CDC26: variants seen among roughly 807,000 people sequenced by gnomAD.
CDC26 encodes the protein anaphase-promoting complex subunit CDC26.
In CDC26, 2 loss-of-function variants were observed where a neutral mutation model predicts 8.0. The ratio of observed to expected loss-of-function variants is 0.25; its 90% CI spans 0.10 to 0.79. The LOEUF (loss-of-function observed/expected upper bound fraction) is 0.79, where lower values mean the gene tolerates loss of function less well. CDC26 is among the 30% of genes least tolerant of loss of function. The pLI, the probability that CDC26 is intolerant of heterozygous loss-of-function variation, is 0.70. For missense variants in CDC26, 68 were observed against 106.0 expected (o/e 0.64, Z 1.57); for synonymous variants, 19 against 34.9 (o/e 0.55, Z 1.60).
intron 1 of CDC26, among the ~76,000 whole-genome samples, 167 bp from the exon 2 acceptor site, chr9:113,273,605 G>C (rs1831992758): frequency 6.6e-6 from 1 of 152,052 alleles, no homozygotes; most frequent in African/African-American, 2.4e-5. Context: ...GTTGACTTCT[G>C]AAGGTCAGGC....
At chr9:113,270,584 G>T (rs1831937844) in intron 3 of CDC26, among the ~76,000 whole-genome samples, 1 of 152,206 alleles carries the variant, frequency 6.6e-6, no homozygotes, top group Admixed American at 6.5e-5. Flanking sequence ...CATGAAACTT[G>T]GATACGGTCA....
intron 3 of CDC26, 127 bp from the exon 4 acceptor site, chr9:113,267,566 A>ACAGTGAGCCGAGATTGCGCC: frequency 1.5e-5 from 19 of 1,253,658 alleles, no homozygotes; most frequent in Non-Finnish European, 1.8e-5. Context: ...CAATAAACTG[A>ACAGTGAGCCGAGATTGCGCC]AATCCTAGGT....
intron 3 of CDC26, among the ~76,000 whole-genome samples, chr9:113,269,302 G>A (rs796375856): frequency 2.6e-4 from 40 of 152,250 alleles, no homozygotes; most frequent in African/African-American, 9.4e-4. Context: ...TGCCTTTTAT[G>A]TGGCAAATGA....
intron 3 of CDC26, among the ~76,000 whole-genome samples, chr9:113,269,907 GA>G (rs1304413185): frequency 6.6e-6 from 1 of 152,188 alleles, no homozygotes; most frequent in African/African-American, 2.4e-5. Context: ...TATAGTACAA[GA>G]TACCTACTAG....
intron 3 of CDC26, among the ~76,000 whole-genome samples, chr9:113,268,029 G>A (rs1039028120): frequency 6.6e-6 from 1 of 152,030 alleles, no homozygotes; most frequent in Non-Finnish European, 1.5e-5. Context: ...GGATGTCACA[G>A]TCTAATAGGG....
Position 113,275,422 on chromosome 9 carries a change from T to C in CDC26, c.-192A>G, listed in dbSNP as rs1832050664. 1.2e-5 allele frequency: 4 copies of C among 321,816 alleles called. No individual in the cohort carries two copies. The highest frequency in any genetic ancestry group is 2.3e-5 in the Non-Finnish European group (4 of 175,036). The allele number at this position is 321,816 out of a possible 1,614,324, so 19.9% of individuals were successfully genotyped here. ...CCTAGCCCCTTCCCGGAACCTCGGC[T>C]CCCCCCCAACGAAACTACTGCTAAG... On this transcript the variant is annotated 5_prime_UTR_variant, in exon 1 of 4. Transcript: ENST00000374206.
chr9:113,273,821 CAAAAAAAAAAAA>C (rs149642304), intron 1 of CDC26, among the ~76,000 whole-genome samples: 5 of 53,268 alleles, frequency 9.4e-5, no homozygotes, highest in East Asian at 7.6e-4. Flanking sequence ...GACCCCAACT[CAAAAAAAAAAAA>C]AAAAAAAAAA....
intron 3 of CDC26, among the ~76,000 whole-genome samples, chr9:113,269,020 TG>T (rs1447897368): frequency 6.6e-6 from 1 of 151,534 alleles, no homozygotes; most frequent in Non-Finnish European, 1.5e-5. Flanking sequence ...CTCAAGGTGC[TG>T]GGGTTTACAG....
chr9:113,267,919 G>A lies in CDC26; in HGVS notation c.82-480C>T, dbSNP rs552732375. ...GGAGAATCGCTTGAACCAGGAAGTC[G>A]GAGGTTGCAGAGAGCTGAGATGGTG... On this transcript the variant is annotated intron_variant, in intron 3 of 3. Coordinates refer to ENST00000374206, the MANE Select transcript of CDC26 (RefSeq NM_139286.4). 1.8e-3 allele frequency among the ~76,000 whole-genome samples: 269 copies of A among 152,246 alleles called. 3 individuals carry two copies. The highest frequency in any genetic ancestry group is 5.7e-3 in the African/African-American group (235 of 41,542).
intron 3 of CDC26, 97 bp from the exon 4 acceptor site, chr9:113,267,536 T>TA (rs1022420620): frequency 1.4e-6 from 2 of 1,417,726 alleles, no homozygotes; most frequent in East Asian, 2.3e-5. Context: ...GGCTAAATGA[T>TA]AGAGTTAGGG....
Position 113,267,032 on chromosome 9 carries a change from T to C in CDC26, c.*231A>G. The C allele has an allele frequency of 2.2e-6, 1 of 449,560 alleles. No homozygotes were observed. The highest frequency in any genetic ancestry group is 5.1e-5 in the South Asian group (1 of 19,462). The allele number at this position is 449,560 out of a possible 1,614,324, so 27.8% of individuals were successfully genotyped here. A position where few individuals can be genotyped will look rare whatever the true frequency, so the allele number is the denominator to read the frequency against. ...ATTTTTCCAAAAATATATTTATTTT[T>C]AAAAACAGAAAATCAGATCAGTTTT... is the stretch of plus-strand genomic sequence containing the variant. On this transcript the variant is annotated 3_prime_UTR_variant, in exon 4 of 4. Coordinates refer to ENST00000374206, the MANE Select transcript of CDC26 (RefSeq NM_139286.4).
Position 113,275,489 on chromosome 9 carries a change from T to G in CDC26, c.-259A>C, listed in dbSNP as rs1832053063. 13 of 481,180 alleles carry G rather than the reference T, an allele frequency of 2.7e-5. No homozygotes were observed. The highest frequency in any genetic ancestry group is 4.5e-5 in the Non-Finnish European group (12 of 267,678). The allele number at this position is 481,180 out of a possible 1,614,324, so 29.8% of individuals were successfully genotyped here. On this transcript the variant is annotated 5_prime_UTR_variant, in exon 1 of 4. Transcript: ENST00000374206. ...TCCCAGACTGCTTGGAGCCTCTCTC[T>G]CCGCAGAACCTCGTCTTCCGCGAGC...
intron 3 of CDC26, among the ~76,000 whole-genome samples, chr9:113,268,063 G>A (rs1289919025): frequency 6.6e-6 from 1 of 152,142 alleles, no homozygotes; most frequent in African/African-American, 2.4e-5. Flanking sequence ...GACGATTATA[G>A]GGTGATCAGG....
chr9:113,269,542 C>CTTTAG (rs58694121), intron 3 of CDC26, among the ~76,000 whole-genome samples: 51,591 of 151,634 alleles, frequency 0.34, 10,035 homozygotes, highest in African/African-American at 0.54. Flanking sequence ...ACTGGTTTCA[C>CTTTAG]TTTAGGGCAT....
At chr9:113,271,269 G>A (rs1831952081) in intron 3 of CDC26, among the ~76,000 whole-genome samples, 1 of 152,126 alleles carries the variant, frequency 6.6e-6, no homozygotes, top group Admixed American at 6.5e-5. Context: ...CATGTTAAGT[G>A]TAGTAGGCTG....
chr9:113,274,174 G>T (rs985375943), intron 1 of CDC26, among the ~76,000 whole-genome samples: 6 of 152,168 alleles, frequency 3.9e-5, no homozygotes, highest in Non-Finnish European at 8.8e-5. Context: ...ATCGAAGCAA[G>T]CTGTTCAGTT....
chr9:113,272,318 T>TGAGGCAGAG, intron 3 of CDC26, 109 bp downstream of exon 3: 1 of 806,956 alleles, frequency 1.2e-6, no homozygotes, highest in Non-Finnish European at 2.1e-6. Flanking sequence ...CGCGGGAGGC[T>TGAGGCAGAG]GAGGCAGAGG....
At chr9:113,269,136 C>T (rs1255590982) in intron 3 of CDC26, among the ~76,000 whole-genome samples, 1 of 152,068 alleles carries the variant, frequency 6.6e-6, no homozygotes, top group African/African-American at 2.4e-5. Context: ...GTGGTAGGAT[C>T]ACCTGAGCCT....
intron 1 of CDC26, among the ~76,000 whole-genome samples, chr9:113,273,721 G>A (rs548455624): frequency 1.3e-5 from 2 of 149,324 alleles, no homozygotes; most frequent in African/African-American, 4.9e-5. Flanking sequence ...GTGTGTACCT[G>A]TAGTCCTAGC....
Sources: gnomAD v4.1 joint callset for allele counts (sites outside exome capture counted in the v4.1 genomes callset) on GRCh38, gnomAD v4.1.1 for gene constraint, MANE v1.5 for transcripts, NCBI Gene and HGNC (gene_info 2026-07-23, HGNC 2026-07-21) for gene names.